The following LTF variants were observed in gnomAD, a reference collection of about 807,000 sequenced individuals.
The protein encoded by LTF is epididymis luminal protein 110.
LTF carries 91 observed loss-of-function variants against 87.2 expected under a neutral mutation model. That is an observed-to-expected ratio of 1.04 (90% confidence interval 0.88 to 1.24). The LOEUF is 1.24. Ranked by LOEUF, LTF falls within the 50% of genes most tolerant of loss-of-function variation. LTF has a pLI of 0.00. For missense variants in LTF, 901 were observed against 904.3 expected, an observed-to-expected ratio of 1.00 and a Z score of 0.05; for synonymous variants, 378 against 356.1, an observed-to-expected ratio of 1.06 and a Z score of -0.69.
rs1416331841 is a variant in LTF at position 46,435,784 on chromosome 3, C to T, written c.*411G>A. On this transcript the variant is annotated 3_prime_UTR_variant, in exon 17 of 17. Transcript: ENST00000231751. ...ACACACTCCCAGGCACATACATGCA[C>T]GTGCACTGAGACAGCTATGTGAATA... The T allele has an allele frequency of 4.0e-6, 1 of 247,112 alleles. No individual in the cohort carries two copies. The highest frequency in any genetic ancestry group is 8.0e-6 in the Non-Finnish European group (1 of 125,534). The allele number at this position is 247,112 out of a possible 1,614,324, so 15.3% of individuals were successfully genotyped here.
chr3:46,475,145 A>G (rs1381116464), intron 1 of LTF, among the ~76,000 whole-genome samples: 1 of 152,166 alleles, frequency 6.6e-6, no homozygotes, highest in Admixed American at 6.5e-5. Context: ...CTCAAGGACT[A>G]CTAAAAGATC....
rs1402389714 is a variant in LTF, at chr3:46,472,527, T to TGTGTGTGA, written c.-319-2062_-319-2061insTCACACAC. On this transcript the variant is annotated intron_variant, in intron 1 of 19. Transcript: ENST00000443496. ...GTGTGTGTGTGTGTGTGTGTGTGTG[T>TGTGTGTGA]GAGAGAGAGAGAGAGAGAGAGAGAG... Among the ~76,000 whole-genome samples, 180 of 130,818 alleles carry TGTGTGTGA rather than the reference T, an allele frequency of 1.4e-3. 1 individual carries two copies. Among genetic ancestry groups the TGTGTGTGA allele is most frequent in the East Asian group, 5.3e-3 (23 of 4,330 alleles). The allele number at this position is 130,818 out of a possible 152,430, so 85.8% of individuals were successfully genotyped here.
At position 46,450,585 on chromosome 3, in the gene LTF, G is replaced by A; in HGVS notation, c.792C>T (p.Cys264=). The change falls in exon 7 of 17, where the codon TGC becomes TGT. Residue 264 remains cysteine (C), a synonymous_variant. Transcript: ENST00000231751. Reference sequence around the variant, plus strand: ...CATGAGAAGGGACCCGGGCCAGATGGCAGTCTTTGAACTTGTCCACTGGCT... The same window carrying A: ...CATGAGAAGGGACCCGGGCCAGATGACAGTCTTTGAACTTGTCCACTGGCT... ...TRKPVDKFKD[C]HLARVPSHAV... 1 of 1,614,170 alleles carries A rather than the reference G, an allele frequency of 6.2e-7. No homozygotes were observed. The highest frequency in any genetic ancestry group is 8.5e-7 in the Non-Finnish European group (1 of 1,180,030).
intron 3 of LTF, 83 bp downstream of exon 3, chr3:46,456,207 A>G (rs1332201269): frequency 8.2e-7 from 1 of 1,223,604 alleles, no homozygotes; most frequent in Non-Finnish European, 1.2e-6. Context: ...CTCCACCTCC[A>G]CATGTTCCCC....
intron 1 of LTF, among the ~76,000 whole-genome samples, chr3:46,473,087 G>A (rs1703315859): frequency 6.6e-6 from 1 of 151,976 alleles, no homozygotes; most frequent in East Asian, 1.9e-4. Flanking sequence ...CCATGGTCTG[G>A]AGATGACCTT....
intron 1 of LTF, among the ~76,000 whole-genome samples, chr3:46,481,686 G>T (rs1391697448): frequency 1.3e-5 from 2 of 152,204 alleles, no homozygotes; most frequent in African/African-American, 2.4e-5. Flanking sequence ...GAAAGGCAGA[G>T]GTTGCAGGGA....
At chr3:46,436,335 C>T (rs56063910) in intron 16 of LTF, 106 bp from the exon 17 acceptor site, 143,674 of 1,004,702 alleles carry the variant, frequency 0.14, 11,403 homozygotes, top group African/African-American at 0.21. Flanking sequence ...CTCTGCCCTT[C>T]TCCCATCACT....
Position 46,435,725 on chromosome 3 carries a change from T to C in LTF, c.*470A>G, listed in dbSNP as rs1332835761. 1 of 165,098 alleles carries C rather than the reference T, an allele frequency of 6.1e-6. No individual in the cohort carries two copies. Among genetic ancestry groups the C allele is most frequent in the Non-Finnish European group, 1.3e-5 (1 of 75,834 alleles). The allele number at this position is 165,098 out of a possible 1,614,324, so 10.2% of individuals were successfully genotyped here. A position where few individuals can be genotyped will look rare whatever the true frequency, so the allele number is the denominator to read the frequency against. Reference sequence around the variant, plus strand: ...ACCTACATTTCAGTTATAATTCCTATGCTTGCTCTTCCTGCCCTGCCTTGG... The same window carrying C: ...ACCTACATTTCAGTTATAATTCCTACGCTTGCTCTTCCTGCCCTGCCTTGG... On this transcript the variant is annotated 3_prime_UTR_variant, in exon 17 of 17. Coordinates refer to ENST00000231751, the MANE Select transcript of LTF (RefSeq NM_002343.6).
intron 4 of LTF, among the ~76,000 whole-genome samples, 165 bp downstream of exon 4, chr3:46,455,631 G>T (rs892729089): frequency 1.6e-4 from 25 of 152,338 alleles, no homozygotes; most frequent in Middle Eastern, 3.4e-3. Flanking sequence ...CCTCCCAAGG[G>T]CTGCTAGGGT....
At chr3:46,481,415 G>A (rs1703430424) in intron 1 of LTF, among the ~76,000 whole-genome samples, 2 of 152,108 alleles carry the variant, frequency 1.3e-5, no homozygotes, top group Admixed American at 6.5e-5. Flanking sequence ...CAGCACTTTG[G>A]GTACCTAGAT....
intron 1 of LTF, among the ~76,000 whole-genome samples, chr3:46,476,547 A>G (rs1014079012): frequency 6.6e-6 from 1 of 152,266 alleles, no homozygotes; most frequent in Non-Finnish European, 1.5e-5. Flanking sequence ...ACTTTTTATT[A>G]AAGTGTAGCA....
At position 46,439,439 on chromosome 3, in the gene LTF, C is replaced by A. The variant is rs761357051; in HGVS notation, c.1765G>T (p.Asp589Tyr). The A allele has an allele frequency of 1.9e-5, 30 of 1,613,728 alleles. 1 individual carries two copies. The Admixed American group carries it at 4.8e-4, about 26-fold the overall frequency. The change falls in exon 15 of 17, where the codon GAC (aspartate) becomes TAC (tyrosine). Residue 589 changes from aspartate to tyrosine, a missense_variant. By Grantham distance (160) the Asp-to-Tyr change is radical. Transcript: ENST00000231751. ...CCATCGAGGCACAGCAGCGCAAAGT[C>A]TGCCAGCTTCAAATCCTTAGCCCAT... ...EAWAKDLKLA[D>Y]FALLCLDGKR...
upstream of LTF, among the ~76,000 whole-genome samples, chr3:46,467,754 G>T (rs1260770530): frequency 6.7e-6 from 1 of 149,102 alleles, no homozygotes; most frequent in Admixed American, 6.7e-5. Context: ...GGGCCCAAGC[G>T]ATCCTCCCAC....
chr3:46,437,163 G>C (rs886114227), intron 16 of LTF, among the ~76,000 whole-genome samples: 28 of 152,166 alleles, frequency 1.8e-4, no homozygotes, highest in Admixed American at 7.2e-4. Context: ...TTATCACCGG[G>C]AGCCTTACAA....
intron 14 of LTF, 74 bp from the exon 15 acceptor site, chr3:46,439,554 GC>G: frequency 7.4e-7 from 1 of 1,347,164 alleles, no homozygotes. Flanking sequence ...GGTGGGTGTG[GC>G]CATTCCACTG....
intron 2 of LTF, among the ~76,000 whole-genome samples, chr3:46,457,111 G>C (rs1702957891): frequency 6.6e-6 from 1 of 152,208 alleles, no homozygotes; most frequent in Non-Finnish European, 1.5e-5. Flanking sequence ...CATGCTCACT[G>C]GCCCTCTGCT....
chr3:46,461,292 A>C (rs1031845320), intron 1 of LTF, among the ~76,000 whole-genome samples: 1 of 152,242 alleles, frequency 6.6e-6, no homozygotes, highest in African/African-American at 2.4e-5. Context: ...CAACAATTGC[A>C]CTTCTAGGCA....
At chr3:46,452,737 G>A (rs1702833395) in intron 6 of LTF, among the ~76,000 whole-genome samples, 1 of 152,232 alleles carries the variant, frequency 6.6e-6, no homozygotes, top group African/African-American at 2.4e-5. Context: ...CAAACTTGGT[G>A]TAGAATTGGC....
chr3:46,464,694 T>A, intron 1 of LTF, 131 bp downstream of exon 1: 1 of 955,882 alleles, frequency 1.0e-6, no homozygotes, highest in Non-Finnish European at 1.6e-6. Flanking sequence ...GCCTCCCGGC[T>A]GTAGGCGCTG....
Sources: allele counts gnomAD v4.1 joint callset (sites outside exome capture counted in the v4.1 genomes callset), GRCh38; gene constraint gnomAD v4.1.1; transcripts MANE v1.5; gene names NCBI Gene and HGNC (gene_info 2026-07-23, HGNC 2026-07-21).